Variants in FCHSD2 observed in about 807,000 individuals in gnomAD.
FCHSD2 encodes FCH and double SH3 domains 2, also known as F-BAR and double SH3 domains protein 2.
FCHSD2 carries 38 observed loss-of-function variants against 108.1 expected under a neutral mutation model. The observed-to-expected ratio is 0.35, with a 90% CI of 0.27 to 0.46. FCHSD2 has a LOEUF of 0.46. Ranked by LOEUF, FCHSD2 falls within the 20% of genes least tolerant of loss-of-function variation. FCHSD2 has a pLI of 1.00. For missense variants in FCHSD2, 751 were observed against 897.8 expected (o/e 0.84, Z 2.09); for synonymous variants, 279 against 314.7 (o/e 0.89, Z 1.20).
chr11:73,112,435 T>C (rs1450770127), intron 2 of FCHSD2, among the ~76,000 whole-genome samples: 6 of 152,198 alleles, frequency 3.9e-5, no homozygotes, highest in Non-Finnish European at 8.8e-5. Flanking sequence ...TCCTTGACAT[T>C]TGGGAGTTTC....
At chr11:72,841,386 C>A in intron 18 of FCHSD2, 68 bp downstream of exon 18, 1 of 1,383,184 alleles carries the variant, frequency 7.2e-7, no homozygotes, top group Non-Finnish European at 9.8e-7. Flanking sequence ...TTTTTTTTGC[C>A]CTTCAGGCGA....
At chr11:73,084,362 T>C (rs1364606566) in intron 2 of FCHSD2, among the ~76,000 whole-genome samples, 1 of 152,224 alleles carries the variant, frequency 6.6e-6, no homozygotes, top group Non-Finnish European at 1.5e-5. Context: ...GTATTATATT[T>C]CAAAGATTCT....
intron 12 of FCHSD2, among the ~76,000 whole-genome samples, chr11:72,871,299 C>G (rs1200040913): frequency 6.6e-6 from 1 of 152,186 alleles, no homozygotes; most frequent in African/African-American, 2.4e-5. Flanking sequence ...TTTTGAAAAT[C>G]TGCCAATCCC....
At chr11:72,891,869 T>C (rs1855321302) in intron 10 of FCHSD2, among the ~76,000 whole-genome samples, 1 of 152,218 alleles carries the variant, frequency 6.6e-6, no homozygotes, top group Non-Finnish European at 1.5e-5. Context: ...GTATAGGATC[T>C]ACATAATATC....
intron 2 of FCHSD2, among the ~76,000 whole-genome samples, chr11:73,096,995 T>TTTTTTTTTTTTTG (rs1860100667): frequency 1.1e-5 from 1 of 93,266 alleles, no homozygotes; most frequent in Non-Finnish European, 2.1e-5. Flanking sequence ...GGATTTTTTT[T>TTTTTTTTTTTTTG]TTTTTTTTTT....
At chr11:72,855,310 AC>A in intron 13 of FCHSD2, among the ~76,000 whole-genome samples, 1 of 150,280 alleles carries the variant, frequency 6.7e-6, no homozygotes, top group African/African-American at 2.5e-5. Context: ...AAACAAACAA[AC>A]AAAAAAGACC....
At chr11:73,126,902 G>A (rs142040552) in intron 2 of FCHSD2, among the ~76,000 whole-genome samples, 102 of 152,192 alleles carry the variant, frequency 6.7e-4, no homozygotes, top group African/African-American at 2.2e-3. Flanking sequence ...GCCGAGCATC[G>A]TGTTGCACAC....
intron 14 of FCHSD2, among the ~76,000 whole-genome samples, chr11:72,848,461 C>G (rs1378855872): frequency 6.6e-6 from 1 of 152,176 alleles, no homozygotes; most frequent in East Asian, 1.9e-4. Flanking sequence ...TAAAATTTCT[C>G]CCAATGATCC....
intron 8 of FCHSD2, among the ~76,000 whole-genome samples, chr11:72,973,344 G>C (rs1277272593): frequency 6.0e-5 from 9 of 150,834 alleles, no homozygotes; most frequent in Non-Finnish European, 1.3e-4. Flanking sequence ...TCCAGCCTGG[G>C]CAACAAGAGG....
At chr11:72,952,565 T>C (rs559903312) in intron 8 of FCHSD2, among the ~76,000 whole-genome samples, 5 of 152,270 alleles carry the variant, frequency 3.3e-5, no homozygotes, top group Non-Finnish European at 1.5e-5. Context: ...CCTCAAGTGA[T>C]CTACCGGCCT....
chr11:73,131,314 G>A (rs185893609), intron 2 of FCHSD2, among the ~76,000 whole-genome samples: 2,245 of 149,402 alleles, frequency 0.015, 30 homozygotes, highest in Middle Eastern at 0.038. Flanking sequence ...TCAGGAGATC[G>A]AGACCATCCT....
chr11:72,994,091 C>T (rs527822837), intron 5 of FCHSD2, among the ~76,000 whole-genome samples: 1 of 152,192 alleles, frequency 6.6e-6, no homozygotes, highest in Non-Finnish European at 1.5e-5. Context: ...CTCCCTTGTC[C>T]TAGACCTGTC....
intron 9 of FCHSD2, among the ~76,000 whole-genome samples, chr11:72,920,228 T>C (rs960527516): frequency 1.2e-4 from 18 of 152,178 alleles, no homozygotes; most frequent in Admixed American, 3.3e-4. Context: ...CTGGCAAGTC[T>C]GGTCAAAATA....
chr11:72,842,802 G>T lies in FCHSD2; in HGVS notation c.1745C>A (p.Thr582Lys). ...CTCAGGAAAAGATAACTCATCATCT[G>T]TCTGGCCCTCATAATCATAAAGTGC... ...VKALYDYEGQ[T>K]DDELSFPEGA... Residue 582 changes from threonine to lysine, a missense_variant, in exon 17 of 20, where the codon ACA becomes AAA. Thr to Lys is a moderately conservative substitution (Grantham distance 78). Coordinates refer to ENST00000409418, the MANE Select transcript of FCHSD2 (RefSeq NM_014824.3). 1.2e-6 allele frequency: 2 copies of T among 1,613,926 alleles called. No homozygotes were observed. Among genetic ancestry groups the T allele is most frequent in the Non-Finnish European group, 1.7e-6 (2 of 1,179,860 alleles).
chr11:72,886,475 A>ATACTT (rs1440657859), intron 12 of FCHSD2, among the ~76,000 whole-genome samples: 1 of 152,100 alleles, frequency 6.6e-6, no homozygotes, highest in East Asian at 1.9e-4. Flanking sequence ...GGGTTCTTCA[A>ATACTT]CTATACTTAA....
intron 12 of FCHSD2, among the ~76,000 whole-genome samples, chr11:72,885,955 G>C (rs1351670636): frequency 6.6e-6 from 1 of 152,162 alleles, no homozygotes; most frequent in Non-Finnish European, 1.5e-5. Context: ...CAGGCAGATG[G>C]CAAGCCTGTT....
intron 2 of FCHSD2, among the ~76,000 whole-genome samples, chr11:73,119,781 C>A (rs141231810): frequency 6.6e-6 from 1 of 152,046 alleles, no homozygotes; most frequent in Non-Finnish European, 1.5e-5. Flanking sequence ...AATATTTGAC[C>A]CATCAATTCT....
chr11:73,083,234 G>C (rs1243761153), intron 3 of FCHSD2, among the ~76,000 whole-genome samples: 2 of 152,158 alleles, frequency 1.3e-5, no homozygotes, highest in African/African-American at 4.8e-5. Flanking sequence ...GCAGCAAAGT[G>C]GGGGATCAAA....
intron 2 of FCHSD2, among the ~76,000 whole-genome samples, chr11:73,088,913 C>T (rs1006437746): frequency 1.3e-5 from 2 of 152,078 alleles, no homozygotes; most frequent in African/African-American, 4.8e-5. Context: ...ATACATAACT[C>T]ATTTTAAAAT....
Sources: allele counts gnomAD v4.1 joint callset (sites outside exome capture counted in the v4.1 genomes callset), GRCh38; gene constraint gnomAD v4.1.1; transcripts MANE v1.5; gene names NCBI Gene and HGNC (gene_info 2026-07-23, HGNC 2026-07-21).